The following TEAD1 variants were observed in gnomAD, a reference collection of about 807,000 sequenced individuals.
TEAD1 encodes TEA domain transcription factor 1, also known as transcriptional enhancer factor TEF-1.
TEAD1 carries 9 observed loss-of-function variants against 54.9 expected under a neutral mutation model. The observed-to-expected ratio is 0.16, with a 90% CI of 0.10 to 0.29. The LOEUF (loss-of-function observed/expected upper bound fraction) is 0.29, where lower values mean the gene tolerates loss of function less well. TEAD1 is among the 10% of genes least tolerant of loss of function. The probability of loss-of-function intolerance (pLI) is 1.00; values close to 1 mark genes in which losing one functional copy is unlikely to be tolerated. For missense variants in TEAD1, 387 were observed against 535.9 expected (o/e 0.72, Z 2.74); for synonymous variants, 200 against 187.8 (o/e 1.07, Z -0.53).
At chr11:12,686,409 C>A (rs1943334756) in intron 2 of TEAD1, among the ~76,000 whole-genome samples, 1 of 152,164 alleles carries the variant, frequency 6.6e-6, no homozygotes. Context: ...CTATTTCAAC[C>A]AAATTGTTTC....
intron 3 of TEAD1, among the ~76,000 whole-genome samples, chr11:12,850,538 T>C (rs891580342): frequency 6.6e-6 from 1 of 152,246 alleles, no homozygotes; most frequent in African/African-American, 2.4e-5. Context: ...GGAACTGTTA[T>C]TTCCATTTTA....
chr11:12,777,330 T>G (rs1469432657), intron 3 of TEAD1, among the ~76,000 whole-genome samples: 1 of 152,244 alleles, frequency 6.6e-6, no homozygotes, highest in African/African-American at 2.4e-5. Flanking sequence ...TGAGTTTTTT[T>G]GGCCATTTAC....
chr11:12,752,431 C>A (rs115570481), intron 2 of TEAD1, among the ~76,000 whole-genome samples: 1,742 of 152,136 alleles, frequency 0.011, 40 homozygotes, highest in African/African-American at 0.039. Flanking sequence ...AGTCAGTACT[C>A]CCAACCCTAA....
intron 3 of TEAD1, among the ~76,000 whole-genome samples, chr11:12,766,030 G>T (rs1054082429): frequency 6.6e-6 from 1 of 152,218 alleles, no homozygotes; most frequent in Non-Finnish European, 1.5e-5. Context: ...ATTATGGGTA[G>T]TGAAGGGTAG....
chr11:12,782,920 C>G (rs545848865), intron 3 of TEAD1, among the ~76,000 whole-genome samples: 2 of 152,104 alleles, frequency 1.3e-5, no homozygotes, highest in Admixed American at 1.3e-4. Context: ...GGTGCAAGAG[C>G]CTGATACCCT....
rs373087911 is a variant in TEAD1 at position 12,764,271 on chromosome 11, C to G, written c.39C>G (p.Ala13=). The G allele has an allele frequency of 6.2e-7, 1 of 1,614,068 alleles. No individual in the cohort carries two copies. Among genetic ancestry groups the G allele is most frequent in the Non-Finnish European group, 8.5e-7 (1 of 1,180,012 alleles). The change falls in exon 3 of 13, where the codon GCC becomes GCG. Residue 13 remains alanine (A), a synonymous_variant. Coordinates refer to ENST00000527636, the MANE Select transcript of TEAD1 (RefSeq NM_021961.6). ...GCTGGAGCGGCAGTGAGAGCCCTGC[C>G]GAAAACATGGAAAGGATGAGTGACT...
At chr11:12,724,886 G>C (rs1944284312) in intron 2 of TEAD1, among the ~76,000 whole-genome samples, 1 of 152,192 alleles carries the variant, frequency 6.6e-6, no homozygotes. Flanking sequence ...TTCACCTGGC[G>C]AGGCCTGTGC....
chr11:12,882,166 T>G (rs2134098117), intron 8 of TEAD1, among the ~76,000 whole-genome samples: 1 of 152,254 alleles, frequency 6.6e-6, no homozygotes, highest in African/African-American at 2.4e-5. Flanking sequence ...TTTCAGATGG[T>G]TTGTTTAAGA....
intron 10 of TEAD1, among the ~76,000 whole-genome samples, chr11:12,912,352 C>T (rs1040350597): frequency 6.6e-6 from 1 of 152,108 alleles, no homozygotes; most frequent in Non-Finnish European, 1.5e-5. Flanking sequence ...TGTGGAAGCA[C>T]AGAGGTGGAA....
At chr11:12,889,103 GAAGA>G (rs1308181854) in intron 9 of TEAD1, among the ~76,000 whole-genome samples, 6 of 152,328 alleles carry the variant, frequency 3.9e-5, no homozygotes, top group Admixed American at 2.0e-4. Context: ...AGAAAGGAAG[GAAGA>G]GTGTAAAAAA....
chr11:12,703,541 G>T (rs1194635821), intron 2 of TEAD1, among the ~76,000 whole-genome samples: 1 of 152,136 alleles, frequency 6.6e-6, no homozygotes, highest in East Asian at 1.9e-4. Context: ...TACCTGGAGG[G>T]ATCTTTGCTT....
chr11:12,816,124 G>A (rs1459209661), intron 3 of TEAD1, among the ~76,000 whole-genome samples: 1 of 152,214 alleles, frequency 6.6e-6, no homozygotes, highest in African/African-American at 2.4e-5. Flanking sequence ...GATGCCAGGT[G>A]GCTTGTGAGC....
rs1946937086 is a variant in TEAD1, at chr11:12,837,807, T to TC, written c.203-24443_203-24442insC. On this transcript the variant is annotated intron_variant, in intron 3 of 12. Coordinates refer to ENST00000527636, the MANE Select transcript of TEAD1 (RefSeq NM_021961.6). ...TTCTTCCTTCTTTCTTCCTTCTTCT[T>TC]TTTTTTTTTTTTGAGACTGAGTTTT... is the stretch of plus-strand genomic sequence containing the variant. Among the ~76,000 whole-genome samples, 7 of 147,564 alleles carry TC rather than the reference T, an allele frequency of 4.7e-5. 1 individual carries two copies. The South Asian group carries it at 1.3e-3, about 27-fold the overall frequency.
At chr11:12,817,729 A>G (rs375465010) in intron 3 of TEAD1, among the ~76,000 whole-genome samples, 6 of 152,214 alleles carry the variant, frequency 3.9e-5, no homozygotes, top group Non-Finnish European at 7.3e-5. Flanking sequence ...GGACCAAACT[A>G]TAAAGAATGA....
intron 3 of TEAD1, among the ~76,000 whole-genome samples, chr11:12,816,092 G>T (rs898339579): frequency 6.6e-6 from 1 of 152,232 alleles, no homozygotes; most frequent in Non-Finnish European, 1.5e-5. Context: ...TGTCTCTTCT[G>T]TTGGGCAGTC....
At chr11:12,710,111 G>A (rs1943903862) in intron 2 of TEAD1, among the ~76,000 whole-genome samples, 1 of 151,984 alleles carries the variant, frequency 6.6e-6, no homozygotes, top group Non-Finnish European at 1.5e-5. Context: ...AGGGTCACTT[G>A]AGCCCAGGAG....
intron 3 of TEAD1, among the ~76,000 whole-genome samples, chr11:12,787,406 G>A (rs1017120703): frequency 6.6e-6 from 1 of 152,194 alleles, no homozygotes; most frequent in African/African-American, 2.4e-5. Context: ...GTTCCCTAAT[G>A]GTTCCTATTA....
intron 3 of TEAD1, among the ~76,000 whole-genome samples, chr11:12,780,332 C>T (rs986261645): frequency 1.3e-5 from 2 of 151,690 alleles, no homozygotes; most frequent in Admixed American, 6.6e-5. Context: ...CAACCTCCGC[C>T]TCCCAGGTTC....
intron 3 of TEAD1, among the ~76,000 whole-genome samples, chr11:12,812,981 T>C (rs1946336883): frequency 6.6e-6 from 1 of 152,234 alleles, no homozygotes; most frequent in South Asian, 2.1e-4. Context: ...TTAGTGACTG[T>C]CGTGTCTGTC....
Sources: gnomAD v4.1 joint callset for allele counts (sites outside exome capture counted in the v4.1 genomes callset) on GRCh38, gnomAD v4.1.1 for gene constraint, MANE v1.5 for transcripts, NCBI Gene and HGNC (gene_info 2026-07-23, HGNC 2026-07-21) for gene names.